Variants in SHB observed in about 807,000 individuals in gnomAD.
SHB encodes the protein SH2 domain-containing adapter protein B.
Under a neutral mutation model 52.3 loss-of-function variants are expected in SHB, and 20 were observed. The observed-to-expected ratio is 0.38, with a 90% confidence interval of 0.27 to 0.56. The LOEUF is 0.56. Among genes scored for constraint, SHB ranks in the 20% least tolerant of loss-of-function variants. The pLI, the probability that SHB is intolerant of heterozygous loss-of-function variation, is 0.71. For missense variants in SHB, 825 were observed against 723.3 expected, an observed-to-expected ratio of 1.14 and a Z score of -1.61; for synonymous variants, 397 against 316.5, an observed-to-expected ratio of 1.25 and a Z score of -2.70.
chr9:37,982,839 A>G (rs1207987884), intron 2 of SHB, among the ~76,000 whole-genome samples: 1 of 152,216 alleles, frequency 6.6e-6, no homozygotes, highest in Non-Finnish European at 1.5e-5. Flanking sequence ...GAAATGATAC[A>G]TAACATGTCT....
intron 5 of SHB, among the ~76,000 whole-genome samples, chr9:37,927,812 C>T (rs1832267351): frequency 6.6e-6 from 1 of 152,196 alleles, no homozygotes; most frequent in Non-Finnish European, 1.5e-5. Context: ...TCCCACCAGC[C>T]TCAGCCAAGT....
At chr9:38,055,041 G>A (rs768346752) in intron 1 of SHB, among the ~76,000 whole-genome samples, 1 of 152,182 alleles carries the variant, frequency 6.6e-6, no homozygotes, top group Non-Finnish European at 1.5e-5. Flanking sequence ...TGCCCTGGCT[G>A]TATCTCCAGA....
chr9:38,009,854 A>G (rs1821117079), intron 2 of SHB, among the ~76,000 whole-genome samples: 1 of 152,262 alleles, frequency 6.6e-6, no homozygotes. Flanking sequence ...ATTAGGCTAT[A>G]AAGTTGATTT....
rs7864778 is a variant in SHB at position 38,055,435 on chromosome 9, G to A, written c.717+12494C>T. Among the ~76,000 whole-genome samples the A allele has an allele frequency of 2.4e-3, 371 of 152,232 alleles. 1 individual carries two copies. Among genetic ancestry groups the A allele is most frequent in the African/African-American group, 8.5e-3 (351 of 41,536 alleles). On this transcript the variant is annotated intron_variant, in intron 1 of 5. Coordinates refer to ENST00000377707, the MANE Select transcript of SHB (RefSeq NM_003028.3). ...GGGACACCTGGGTTGATGGTGGGCC[G>A]AAAACGGTGGGGTGCAGAGGAAGAA...
At chr9:37,953,630 T>C (rs752356127) in intron 4 of SHB, among the ~76,000 whole-genome samples, 2 of 152,074 alleles carry the variant, frequency 1.3e-5, no homozygotes, top group African/African-American at 4.8e-5. Flanking sequence ...TGCCCATCCA[T>C]GGCCACCCCG....
rs113852306 is a variant in SHB at position 38,022,645 on chromosome 9, C to T, written c.718-6514G>A. Among the ~76,000 whole-genome samples, 855 of 152,308 alleles carry T rather than the reference C, an allele frequency of 5.6e-3. 8 individuals are homozygous for T. Among genetic ancestry groups the T allele is most frequent in the African/African-American group, 0.019 (794 of 41,556 alleles). ...GACCCCCCCATAACACAGGCCCTAG[C>T]GGGCCTGATGTCCACAGGAAGGAGG... On this transcript the variant is annotated intron_variant, in intron 1 of 5. Coordinates refer to ENST00000377707, the MANE Select transcript of SHB (RefSeq NM_003028.3).
At chr9:37,942,229 C>A (rs1832442761) in intron 5 of SHB, among the ~76,000 whole-genome samples, 1 of 152,190 alleles carries the variant, frequency 6.6e-6, no homozygotes, top group Admixed American at 6.5e-5. Flanking sequence ...CAACACAAAC[C>A]CGGCTGCTCT....
At chr9:37,999,360 T>G (rs771032791) in intron 2 of SHB, among the ~76,000 whole-genome samples, 18 of 152,204 alleles carry the variant, frequency 1.2e-4, no homozygotes, top group Non-Finnish European at 2.5e-4. Context: ...GAAGGAAGCC[T>G]GCTGCAGACT....
chr9:37,944,706 C>G (rs1832472499), intron 5 of SHB, among the ~76,000 whole-genome samples: 1 of 152,170 alleles, frequency 6.6e-6, no homozygotes, highest in Admixed American at 6.5e-5. Context: ...CTTCTGGGAG[C>G]CCCCGAGACC....
chr9:37,974,933 C>T lies in SHB; in HGVS notation c.839-96G>A, dbSNP rs1380311622. 44 of 1,060,318 alleles carry T rather than the reference C, an allele frequency of 4.1e-5. 1 individual carries two copies. The highest frequency in any genetic ancestry group is 2.9e-4 in the South Asian group (22 of 75,504). 65.7% of individuals were successfully genotyped at this position (1,060,318 alleles called of 1,614,324 possible). ...AACACCACAAACTCAGAGCTGCCAGCGGGGAGGTGAGAACGACAGAGAGAC... is the reference window on the plus strand; with the variant it reads ...AACACCACAAACTCAGAGCTGCCAGTGGGGAGGTGAGAACGACAGAGAGAC... On this transcript the variant is annotated intron_variant, in intron 2 of 5. Coordinates refer to ENST00000377707, the MANE Select transcript of SHB (RefSeq NM_003028.3).
intron 1 of SHB, among the ~76,000 whole-genome samples, chr9:38,040,098 C>T (rs7025303): frequency 0.45 from 68,870 of 152,198 alleles, 17,254 homozygotes; most frequent in Middle Eastern, 0.6. Context: ...TCAGGTCAGC[C>T]GGTCTTTCCC....
At chr9:38,014,483 C>T (rs142432138) in intron 2 of SHB, among the ~76,000 whole-genome samples, 124 of 152,380 alleles carry the variant, frequency 8.1e-4, no homozygotes, top group African/African-American at 2.8e-3. Flanking sequence ...TGAGGACTCC[C>T]CCAGCCAGCC....
In SHB at chr9:38,069,151, G is replaced by A. The variant is rs1822024767; in HGVS notation, c.-506C>T. The A allele has an allele frequency of 1.3e-5, 2 of 151,682 alleles. No individual in the cohort carries two copies. Among genetic ancestry groups the A allele is most frequent in the Admixed American group, 1.3e-4 (2 of 15,240 alleles). 9.4% of individuals were successfully genotyped at this position (151,682 alleles called of 1,614,324 possible). On this transcript the variant is annotated 5_prime_UTR_variant, in exon 1 of 6. Transcript: ENST00000377707. The stretch of plus-strand genomic sequence containing the variant: ...AGAATGCGGCCGGGAGAGACAGCGA[G>A]CGACGGAGGAAGGCAGCCGGCGCCC...
chr9:38,000,647 A>C (rs1821000117), intron 2 of SHB, among the ~76,000 whole-genome samples: 1 of 152,220 alleles, frequency 6.6e-6, no homozygotes, highest in South Asian at 2.1e-4. Context: ...CCATTGGGAA[A>C]TGCAGTGTGA....
intron 1 of SHB, among the ~76,000 whole-genome samples, chr9:38,047,305 C>T (rs1317437431): frequency 6.6e-6 from 1 of 152,250 alleles, no homozygotes; most frequent in Non-Finnish European, 1.5e-5. Flanking sequence ...CAGAGTATAG[C>T]ATACAGTAAG....
At chr9:37,926,811 C>T (rs1805128217) in intron 5 of SHB, among the ~76,000 whole-genome samples, 1 of 152,256 alleles carries the variant, frequency 6.6e-6, no homozygotes, top group African/African-American at 2.4e-5. Flanking sequence ...TCCTTACAGA[C>T]ACTGCCCCAA....
At chr9:38,004,629 C>T (rs1474302259) in intron 2 of SHB, among the ~76,000 whole-genome samples, 1 of 152,170 alleles carries the variant, frequency 6.6e-6, no homozygotes, top group Non-Finnish European at 1.5e-5. Context: ...GACCCAGGGG[C>T]CAAGAGAGGC....
At chr9:38,057,330 A>G (rs1172142409) in intron 1 of SHB, among the ~76,000 whole-genome samples, 1 of 152,236 alleles carries the variant, frequency 6.6e-6, no homozygotes, top group Admixed American at 6.5e-5. Context: ...ATATGCAATG[A>G]AAAATGGCTA....
Position 37,918,314 on chromosome 9 carries a change from C to T in SHB, c.*1507G>A, listed in dbSNP as rs1482343418. On this transcript the variant is annotated 3_prime_UTR_variant, in exon 6 of 6. Coordinates refer to ENST00000377707, the MANE Select transcript of SHB (RefSeq NM_003028.3). ...GAAACTCTTAGCCTCATCGGGGCTG[C>T]CTGGCCTGTGTGGGAGGACCCTGCT... 6.6e-6 allele frequency among the ~76,000 whole-genome samples: 1 copy of T among 152,200 alleles called. No individual in the cohort carries two copies. Among genetic ancestry groups the T allele is most frequent in the Non-Finnish European group, 1.5e-5 (1 of 68,040 alleles).
Sources: gnomAD v4.1 joint callset for allele counts (sites outside exome capture counted in the v4.1 genomes callset) on GRCh38, gnomAD v4.1.1 for gene constraint, MANE v1.5 for transcripts, NCBI Gene and HGNC (gene_info 2026-07-23, HGNC 2026-07-21) for gene names.